The following PARD3B variants were observed in gnomAD, a reference collection of about 807,000 sequenced individuals.
PARD3B encodes the protein par-3 family cell polarity regulator beta.
In PARD3B, 103 loss-of-function variants were observed where a neutral mutation model predicts 130.2. The observed-to-expected ratio is 0.79, with a 90% confidence interval of 0.67 to 0.93. The LOEUF (loss-of-function observed/expected upper bound fraction) is 0.93. PARD3B is among the 40% of genes least tolerant of loss of function. The pLI is 0.00. For synonymous variants in PARD3B, 583 were observed against 553.2 expected, an observed-to-expected ratio of 1.05 and a Z score of -0.76; for missense variants, 1,609 against 1,499.2, an observed-to-expected ratio of 1.07 and a Z score of -1.21.
intron 3 of PARD3B, among the ~76,000 whole-genome samples, chr2:205,046,480 GT>G (rs10538808): frequency 0.31 from 43,218 of 140,648 alleles, 6,582 homozygotes; most frequent in South Asian, 0.47. Flanking sequence ...CATGAAAGAA[GT>G]TTTTTTTTTT....
chr2:205,518,880 AT>A (rs1263453846), intron 21 of PARD3B, among the ~76,000 whole-genome samples: 3 of 152,008 alleles, frequency 2.0e-5, no homozygotes, highest in African/African-American at 7.3e-5. Flanking sequence ...TTGGTTGAAG[AT>A]TTTTTTCTTT....
chr2:205,607,424 T>C (rs1188236607), intron 22 of PARD3B, among the ~76,000 whole-genome samples: 1 of 152,198 alleles, frequency 6.6e-6, no homozygotes, highest in African/African-American at 2.4e-5. Context: ...TGGGTCTGTC[T>C]GTCTGCCTGG....
At chr2:205,224,370 C>CAAAAAAAAAAAAAAA (rs1231030778) in intron 15 of PARD3B, among the ~76,000 whole-genome samples, 12 of 55,936 alleles carry the variant, frequency 2.1e-4, no homozygotes, top group East Asian at 8.0e-4. Flanking sequence ...GACTCCGTCT[C>CAAAAAAAAAAAAAAA]AAAAAAAAAA....
At chr2:205,538,236 A>G (rs1028015101) in intron 21 of PARD3B, among the ~76,000 whole-genome samples, 1 of 152,202 alleles carries the variant, frequency 6.6e-6, no homozygotes, top group Non-Finnish European at 1.5e-5. Flanking sequence ...GAAAATAAAA[A>G]GAGAATAGTT....
intron 21 of PARD3B, among the ~76,000 whole-genome samples, chr2:205,548,896 C>T (rs2052494825): frequency 6.6e-6 from 1 of 152,018 alleles, no homozygotes; most frequent in Non-Finnish European, 1.5e-5. Context: ...ATCCAAAATA[C>T]AGAAAGAAAT....
intron 4 of PARD3B, among the ~76,000 whole-genome samples, chr2:205,093,641 A>G (rs894035679): frequency 6.6e-6 from 1 of 152,146 alleles, no homozygotes; most frequent in Non-Finnish European, 1.5e-5. Flanking sequence ...CTTTGGGAAT[A>G]TATTTGTGAA....
chr2:205,179,884 CT>C (rs1245178229), intron 13 of PARD3B, among the ~76,000 whole-genome samples: 14 of 64,488 alleles, frequency 2.2e-4, no homozygotes, highest in African/African-American at 8.6e-4. Flanking sequence ...CAAGTGCATG[CT>C]AAAAAATACA....
chr2:205,595,061 G>T (rs1364852660), intron 22 of PARD3B, among the ~76,000 whole-genome samples: 5 of 152,204 alleles, frequency 3.3e-5, no homozygotes, highest in African/African-American at 1.2e-4. Flanking sequence ...CCTGCAAGGG[G>T]AGGAAAGGCA....
chr2:205,414,350 A>G (rs1299244258), intron 19 of PARD3B, among the ~76,000 whole-genome samples: 1 of 152,182 alleles, frequency 6.6e-6, no homozygotes, highest in East Asian at 1.9e-4. Context: ...ACATCTCAGT[A>G]AAGAGAAGAT....
intron 19 of PARD3B, among the ~76,000 whole-genome samples, chr2:205,408,653 T>C (rs1464797282): frequency 6.6e-6 from 1 of 152,116 alleles, no homozygotes; most frequent in Non-Finnish European, 1.5e-5. Flanking sequence ...AACCAGAAGG[T>C]TGATTTCTTT....
Position 205,615,734 on chromosome 2 carries a change from CCCG to C in PARD3B, c.3540_3542del (p.Arg1181del), listed in dbSNP as rs759773024. The C allele has an allele frequency of 3.7e-6, 6 of 1,614,100 alleles. No homozygotes were observed. Among genetic ancestry groups the C allele is most frequent in the Non-Finnish European group, 5.1e-6 (6 of 1,180,014 alleles). ...TATCAGGAAACAGGCAGACCAGGGCCCCGTGGGGGCAGCCCAGACCAGTACCCT... is the reference window on the plus strand; with the variant it reads ...TATCAGGAAACAGGCAGACCAGGGCCTGGGGGCAGCCCAGACCAGTACCCT... On this transcript the variant is annotated inframe_deletion, in exon 23 of 23. Coordinates refer to ENST00000406610, the MANE Select transcript of PARD3B (RefSeq NM_001302769.2).
At chr2:205,377,253 A>T (rs1674245550) in intron 18 of PARD3B, among the ~76,000 whole-genome samples, 1 of 152,208 alleles carries the variant, frequency 6.6e-6, no homozygotes, top group South Asian at 2.1e-4. Flanking sequence ...ACAGGAAAAC[A>T]TCAGTGTTTC....
At chr2:205,108,531 T>TA (rs753864599) in intron 5 of PARD3B, among the ~76,000 whole-genome samples, 10 of 152,076 alleles carry the variant, frequency 6.6e-5, no homozygotes, top group Non-Finnish European at 1.5e-4. Context: ...TCTCTAATAT[T>TA]ACAACCAATT....
intron 2 of PARD3B, among the ~76,000 whole-genome samples, chr2:204,944,587 A>C (rs1689161473): frequency 6.6e-6 from 1 of 152,264 alleles, no homozygotes; most frequent in South Asian, 2.1e-4. Flanking sequence ...TAATCAGCCC[A>C]TCAGCTAATC....
intron 21 of PARD3B, among the ~76,000 whole-genome samples, chr2:205,503,221 C>T (rs2050223643): frequency 6.6e-6 from 1 of 152,058 alleles, no homozygotes; most frequent in Admixed American, 6.6e-5. Flanking sequence ...TAAGCCCAAA[C>T]AAAATGGAAC....
chr2:204,873,647 T>A (rs1356272302), intron 2 of PARD3B, among the ~76,000 whole-genome samples: 1 of 152,090 alleles, frequency 6.6e-6, no homozygotes, highest in Admixed American at 6.6e-5. Context: ...GAAATTACAA[T>A]GTGGTAATAA....
rs760104330 is a variant in PARD3B, at chr2:204,678,514, G to A, written c.121-7667G>A. 6.6e-6 allele frequency among the ~76,000 whole-genome samples: 1 copy of A among 152,154 alleles called. No individual in the cohort carries two copies. The highest frequency in any genetic ancestry group is 1.5e-5 in the Non-Finnish European group (1 of 68,038). The stretch of plus-strand genomic sequence containing the variant: ...GGAGGTGGCTGTCAGTGGAAAAGGA[G>A]CTAGAGCGGGGATGGTGCGGGAAGA... On this transcript the variant is annotated intron_variant, in intron 1 of 22. Transcript: ENST00000406610. The surrounding 1 kb of genome is among the most constrained non-coding windows in gnomAD (Gnocchi z 4.2).
At chr2:204,752,798 C>T (rs77473345) in intron 2 of PARD3B, among the ~76,000 whole-genome samples, 30,315 of 151,924 alleles carry the variant, frequency 0.2, 3,085 homozygotes, top group African/African-American at 0.24. Flanking sequence ...TGTACAATTG[C>T]GTGCCGTTCT....
chr2:205,245,461 G>GA (rs2039531494), intron 15 of PARD3B, among the ~76,000 whole-genome samples: 1 of 151,868 alleles, frequency 6.6e-6, no homozygotes, highest in East Asian at 1.9e-4. Flanking sequence ...TACATCCCTG[G>GA]GTCTATGAAT....
Sources: allele counts gnomAD v4.1 joint callset (sites outside exome capture counted in the v4.1 genomes callset), GRCh38; gene constraint gnomAD v4.1.1; non-coding constraint Gnocchi (gnomAD v3.1); transcripts MANE v1.5; gene names NCBI Gene and HGNC (gene_info 2026-07-23, HGNC 2026-07-21).